MAML2: variants seen among roughly 807,000 people sequenced by gnomAD.
MAML2 encodes mastermind like transcriptional coactivator 2, also known as mastermind-like protein 2.
In MAML2, 22 loss-of-function variants were observed where a neutral mutation model predicts 96.1. The observed-to-expected ratio is 0.23, with a 90% confidence interval of 0.16 to 0.33. The LOEUF (loss-of-function observed/expected upper bound fraction) is 0.33. Ranked by LOEUF, MAML2 falls within the 10% of genes least tolerant of loss-of-function variation. MAML2 has a pLI of 1.00. For synonymous variants in MAML2, 561 were observed against 521.3 expected (o/e 1.08, Z -1.04); for missense variants, 1,367 against 1,392.4 (o/e 0.98, Z 0.29).
intron 2 of MAML2, among the ~76,000 whole-genome samples, chr11:96,018,385 A>G (rs1465895931): frequency 1.3e-5 from 2 of 152,222 alleles, no homozygotes; most frequent in Non-Finnish European, 2.9e-5. Flanking sequence ...AGGAGTTGTC[A>G]GCATAGAAAA....
At chr11:96,094,055 C>A (rs1859785060) in intron 1 of MAML2, among the ~76,000 whole-genome samples, 1 of 151,978 alleles carries the variant, frequency 6.6e-6, no homozygotes, top group Admixed American at 6.6e-5. Flanking sequence ...TAGAATAGTT[C>A]TCAGGCCTAA....
At chr11:96,074,432 C>T (rs1354082592) in intron 2 of MAML2, among the ~76,000 whole-genome samples, 1 of 152,234 alleles carries the variant, frequency 6.6e-6, no homozygotes, top group African/African-American at 2.4e-5. Context: ...AGAGTTTCAT[C>T]AGATATCTGC....
chr11:96,342,059 G>T lies in MAML2; in HGVS notation c.-164C>A. The T allele has an allele frequency of 1.6e-6, 1 of 637,458 alleles. No individual in the cohort carries two copies. Among genetic ancestry groups the T allele is most frequent in the Non-Finnish European group, 2.6e-6 (1 of 382,718 alleles). The allele number at this position is 637,458 out of a possible 1,614,324, so 39.5% of individuals were successfully genotyped here. ...GGGGAGCCGTGGAGAAGTTGTGGGG[G>T]AGGGGAGTTAGTAAAAAGAGGGTGG... On this transcript the variant is annotated 5_prime_UTR_variant, in exon 1 of 5. Coordinates refer to ENST00000524717, the MANE Select transcript of MAML2 (RefSeq NM_032427.4).
chr11:96,120,247 G>A (rs1192816489), intron 1 of MAML2, among the ~76,000 whole-genome samples: 7 of 152,132 alleles, frequency 4.6e-5, no homozygotes, highest in Admixed American at 3.9e-4. Flanking sequence ...GTGAGCCACC[G>A]CGTCCGGCCA....
chr11:96,321,626 G>A (rs931083164), intron 1 of MAML2, among the ~76,000 whole-genome samples: 1 of 152,180 alleles, frequency 6.6e-6, no homozygotes, highest in Non-Finnish European at 1.5e-5. Context: ...AGAATTTAGA[G>A]TGTGCAGGAA....
rs145633789 is a variant in MAML2 at position 96,254,843 on chromosome 11, C to T, written c.513+86540G>A. Among the ~76,000 whole-genome samples the T allele has an allele frequency of 8.5e-3, 1,299 of 152,160 alleles. 26 individuals are homozygous for T. The highest frequency in any genetic ancestry group is 0.03 in the African/African-American group (1,237 of 41,490). On this transcript the variant is annotated intron_variant, in intron 1 of 4. Coordinates refer to ENST00000524717, the MANE Select transcript of MAML2 (RefSeq NM_032427.4). ...TTTATTTTTTATTTATTTTTTGAGA[C>T]AGGGTCTCACTGTGTCACCCAGGCT...
Position 96,092,216 on chromosome 11 carries a change from C to CTGT in MAML2, c.1814_1815insACA (p.Gln621dup). On this transcript the variant is annotated inframe_insertion, in exon 2 of 5. Coordinates refer to ENST00000524717, the MANE Select transcript of MAML2 (RefSeq NM_032427.4). The surrounding 1 kb of genome is among the most constrained non-coding windows in gnomAD (Gnocchi z 4.1). ...GTTGCTGCTGCTGCTGCTGTTGCTG[C>CTGT]TGCTGCTGCTGCTGCTGCTGCTGCT... 1 of 36,982 alleles carries CTGT rather than the reference C, an allele frequency of 2.7e-5. No individual in the cohort carries two copies. The highest frequency in any genetic ancestry group is 7.6e-4 in the South Asian group (1 of 1,310). 2.3% of individuals were successfully genotyped at this position (36,982 alleles called of 1,614,324 possible).
At chr11:96,030,015 C>T (rs937053106) in intron 2 of MAML2, among the ~76,000 whole-genome samples, 20 of 152,060 alleles carry the variant, frequency 1.3e-4, no homozygotes, top group Admixed American at 2.0e-4. Context: ...GGGTGGATCA[C>T]GAGGTCAGAC....
intron 2 of MAML2, among the ~76,000 whole-genome samples, chr11:95,995,158 A>C (rs565793467): frequency 2.6e-5 from 4 of 152,244 alleles, no homozygotes; most frequent in Admixed American, 6.5e-5. Context: ...GAAACAAAGG[A>C]GATAGAACTC....
At chr11:96,038,532 G>C (rs1858755272) in intron 2 of MAML2, among the ~76,000 whole-genome samples, 1 of 152,346 alleles carries the variant, frequency 6.6e-6, no homozygotes, top group East Asian at 1.9e-4. Flanking sequence ...AAAGCAATGT[G>C]CTAGGCACTT....
intron 1 of MAML2, among the ~76,000 whole-genome samples, chr11:96,264,217 C>G (rs1591103343): frequency 6.6e-6 from 1 of 152,192 alleles, no homozygotes; most frequent in East Asian, 1.9e-4. Flanking sequence ...AAAGCCCCCT[C>G]ACAAACTAAG....
intron 1 of MAML2, among the ~76,000 whole-genome samples, chr11:96,253,379 C>T (rs1405927080): frequency 1.3e-5 from 2 of 152,186 alleles, no homozygotes; most frequent in Non-Finnish European, 2.9e-5. Context: ...GGAATCCAAG[C>T]TCCCCTTCCT....
At chr11:96,040,591 A>G (rs2135755748) in intron 2 of MAML2, among the ~76,000 whole-genome samples, 1 of 152,236 alleles carries the variant, frequency 6.6e-6, no homozygotes, top group South Asian at 2.1e-4. Flanking sequence ...ACATGGTGAA[A>G]CCTCGTCTCT....
chr11:96,253,843 A>C (rs1054451014), intron 1 of MAML2, among the ~76,000 whole-genome samples: 4 of 152,172 alleles, frequency 2.6e-5, no homozygotes, highest in Admixed American at 6.6e-5. Flanking sequence ...ATGTCAAGGC[A>C]TCTGATAGCT....
chr11:96,177,559 G>A (rs773738331), intron 1 of MAML2, among the ~76,000 whole-genome samples: 1 of 152,162 alleles, frequency 6.6e-6, no homozygotes, highest in East Asian at 1.9e-4. Flanking sequence ...ATGTGGTGGG[G>A]GATGGGTTTT....
At position 96,092,020 on chromosome 11, in the gene MAML2, C is replaced by A. The variant is rs766552339; in HGVS notation, c.2011G>T (p.Ala671Ser). The A allele has an allele frequency of 4.1e-5, 65 of 1,568,156 alleles. No individual in the cohort carries two copies. Among genetic ancestry groups the A allele is most frequent in the Non-Finnish European group, 5.3e-5 (61 of 1,156,202 alleles). The change falls in exon 2 of 5, where the codon GCC (alanine) becomes TCC (serine). Residue 671 changes from alanine to serine, a missense_variant. By Grantham distance (99) the Ala-to-Ser change is moderately conservative. Transcript: ENST00000524717. This position sits in a 1 kb window ranked among gnomAD's most constrained non-coding sequence, Gnocchi z 4.1. ...AAAGGCTGGCTTGGTAGAGATTGGG[C>A]AGGCTGAGAAGATGGTTGTTGCTGC... is the stretch of plus-strand genomic sequence containing the variant. Reference protein sequence around the residue: ...QQQQQPSSQPAQSLPSQPLLR... With the variant: ...QQQQQPSSQPSQSLPSQPLLR...
chr11:96,237,133 C>A (rs1478049727), intron 1 of MAML2, among the ~76,000 whole-genome samples: 1 of 152,210 alleles, frequency 6.6e-6, no homozygotes, highest in Non-Finnish European at 1.5e-5. Flanking sequence ...ATTATTGTAG[C>A]TATGGTTCTC....
At chr11:96,110,612 G>A (rs926260200) in intron 1 of MAML2, among the ~76,000 whole-genome samples, 2 of 152,154 alleles carry the variant, frequency 1.3e-5, no homozygotes, top group Non-Finnish European at 2.9e-5. Context: ...AATAAACACA[G>A]ATATTACAGA....
chr11:96,281,372 A>C (rs1460134190), intron 1 of MAML2, among the ~76,000 whole-genome samples: 1 of 152,022 alleles, frequency 6.6e-6, no homozygotes, highest in African/African-American at 2.4e-5. Flanking sequence ...CTAGGGGTGA[A>C]TATTTCTGTT....
Sources: allele counts gnomAD v4.1 joint callset (sites outside exome capture counted in the v4.1 genomes callset), GRCh38; gene constraint gnomAD v4.1.1; non-coding constraint Gnocchi (gnomAD v3.1); transcripts MANE v1.5; gene names NCBI Gene and HGNC (gene_info 2026-07-23, HGNC 2026-07-21).